BRINP3: variants seen among roughly 807,000 people sequenced by gnomAD.
BRINP3 encodes the protein BMP/retinoic acid inducible neural specific 3, also known as BMP/retinoic acid-inducible neural-specific protein 3.
In BRINP3, 19 loss-of-function variants were observed where a neutral mutation model predicts 71.0. That is an observed-to-expected ratio of 0.27 (90% CI 0.19 to 0.39). The LOEUF (loss-of-function observed/expected upper bound fraction) is 0.39, where lower values mean the gene tolerates loss of function less well. BRINP3 is among the 10% of genes least tolerant of loss of function. BRINP3 has a pLI of 1.00. For missense variants in BRINP3, 959 were observed against 940.8 expected (o/e 1.02, Z -0.25); for synonymous variants, 380 against 337.7 (o/e 1.13, Z -1.37).
intron 2 of BRINP3, among the ~76,000 whole-genome samples, chr1:190,360,696 C>T (rs1197334899): frequency 6.6e-6 from 1 of 151,800 alleles, no homozygotes; most frequent in Non-Finnish European, 1.5e-5. Flanking sequence ...TTTATCGTTG[C>T]CTTGGTGGAA....
At chr1:190,370,671 G>T (rs1295243598) in intron 2 of BRINP3, among the ~76,000 whole-genome samples, 2 of 152,228 alleles carry the variant, frequency 1.3e-5, no homozygotes, top group Non-Finnish European at 2.9e-5. Context: ...CTAAGGTAAG[G>T]CAGGGCCTTC....
chr1:190,254,545 G>A (rs1365547805), intron 4 of BRINP3, among the ~76,000 whole-genome samples: 1 of 152,036 alleles, frequency 6.6e-6, no homozygotes, highest in Non-Finnish European at 1.5e-5. Flanking sequence ...ATTGTGAATA[G>A]GAGTTCACTC....
chr1:190,229,046 A>G (rs531175607), intron 5 of BRINP3, among the ~76,000 whole-genome samples: 1 of 152,174 alleles, frequency 6.6e-6, no homozygotes, highest in Non-Finnish European at 1.5e-5. Context: ...AAATCTAGGT[A>G]AAGTATTAAA....
chr1:190,109,245 C>T (rs534616384), intron 7 of BRINP3, among the ~76,000 whole-genome samples: 3 of 152,190 alleles, frequency 2.0e-5, no homozygotes, highest in African/African-American at 4.8e-5. Context: ...TGAAAAGTTA[C>T]ATTTTTTCAT....
At chr1:190,314,520 G>A (rs903832050) in intron 2 of BRINP3, among the ~76,000 whole-genome samples, 1 of 152,124 alleles carries the variant, frequency 6.6e-6, no homozygotes, top group African/African-American at 2.4e-5. Context: ...AAAATAAGAA[G>A]GAATCAGCTT....
rs564822984 is a variant in BRINP3, at chr1:190,340,175, T to C, written c.237-58425A>G. Among the ~76,000 whole-genome samples, 9 of 152,034 alleles carry C rather than the reference T, an allele frequency of 5.9e-5. No individual in the cohort carries two copies. In the East Asian group the frequency reaches 1.7e-3, roughly 30 times the overall value. ...GAAAAGCTTTCAATTCAATGTATCA[T>C]AGGAATCTCAAATGACCTCTGGGTT... On this transcript the variant is annotated intron_variant, in intron 2 of 7. Transcript: ENST00000367462.
chr1:190,150,078 C>G lies in BRINP3; in HGVS notation c.1184+10590G>C, dbSNP rs189946791. On this transcript the variant is annotated intron_variant, in intron 7 of 7. Transcript: ENST00000367462. ...TTTTTTTCAGTGTTAGGGATTTGTG[C>G]TGGTATGCATCTCATAATATGTAGT... Among the ~76,000 whole-genome samples, 552 of 152,082 alleles carry G rather than the reference C, an allele frequency of 3.6e-3. 4 individuals carry two copies. The highest frequency in any genetic ancestry group is 6.1e-3 in the Non-Finnish European group (412 of 67,994).
At chr1:190,210,402 T>G (rs1655882083) in intron 6 of BRINP3, among the ~76,000 whole-genome samples, 1 of 152,112 alleles carries the variant, frequency 6.6e-6, no homozygotes, top group Non-Finnish European at 1.5e-5. Context: ...ATCAAAGACT[T>G]TAATGTTTTT....
At chr1:190,241,177 G>A (rs1480535027) in intron 4 of BRINP3, among the ~76,000 whole-genome samples, 1 of 151,778 alleles carries the variant, frequency 6.6e-6, no homozygotes, top group Non-Finnish European at 1.5e-5. Flanking sequence ...GAATTTTTTG[G>A]GAACCTCTTG....
intron 7 of BRINP3, among the ~76,000 whole-genome samples, chr1:190,111,390 A>G (rs1374160468): frequency 1.3e-5 from 2 of 152,082 alleles, no homozygotes; most frequent in African/African-American, 4.8e-5. Flanking sequence ...CTGAGGAGGT[A>G]AGTGAGAAAC....
intron 7 of BRINP3, chr1:190,154,124 T>C (rs1304580842): frequency 1.6e-5 from 14 of 899,592 alleles, no homozygotes; most frequent in African/African-American, 1.8e-5. Context: ...GGGAAAGAGA[T>C]AAAAAAGATG....
intron 2 of BRINP3, among the ~76,000 whole-genome samples, chr1:190,327,168 A>T (rs1287649486): frequency 1.3e-5 from 2 of 151,196 alleles, no homozygotes; most frequent in Non-Finnish European, 3.0e-5. Flanking sequence ...TACAAAAATT[A>T]GACAGGCGTT....
At chr1:190,142,115 A>G (rs1271468316) in intron 7 of BRINP3, among the ~76,000 whole-genome samples, 1 of 152,198 alleles carries the variant, frequency 6.6e-6, no homozygotes, top group African/African-American at 2.4e-5. Context: ...TTCTACCTAT[A>G]GAAGAAAATA....
chr1:190,438,216 T>C (rs910160875), intron 2 of BRINP3, among the ~76,000 whole-genome samples: 1 of 151,524 alleles, frequency 6.6e-6, no homozygotes, highest in Non-Finnish European at 1.5e-5. Flanking sequence ...ATATTAAATG[T>C]AACCTTTAGC....
intron 2 of BRINP3, among the ~76,000 whole-genome samples, chr1:190,393,226 T>G (rs781077812): frequency 6.6e-6 from 1 of 151,662 alleles, no homozygotes; most frequent in Non-Finnish European, 1.5e-5. Flanking sequence ...TAAATACATA[T>G]TCATGTACAT....
At chr1:190,384,040 T>C (rs1360192185) in intron 2 of BRINP3, among the ~76,000 whole-genome samples, 1 of 151,870 alleles carries the variant, frequency 6.6e-6, no homozygotes, top group Non-Finnish European at 1.5e-5. Flanking sequence ...ACATTAATAA[T>C]GTGGCCAAGA....
chr1:190,443,359 C>A (rs1359642939), intron 2 of BRINP3, among the ~76,000 whole-genome samples: 1 of 149,414 alleles, frequency 6.7e-6, no homozygotes, highest in Non-Finnish European at 1.5e-5. Context: ...GAGCCGAGAT[C>A]GTGCCTGGGC....
chr1:190,202,200 T>C (rs913534122), intron 6 of BRINP3, among the ~76,000 whole-genome samples: 4 of 152,158 alleles, frequency 2.6e-5, no homozygotes, highest in Admixed American at 2.6e-4. Flanking sequence ...ATGTGAGACA[T>C]GAAGTCAAAG....
chr1:190,248,152 T>G (rs901571490), intron 4 of BRINP3, among the ~76,000 whole-genome samples: 12 of 151,870 alleles, frequency 7.9e-5, no homozygotes, highest in Non-Finnish European at 1.0e-4. Flanking sequence ...TTTAGTTATT[T>G]TAGTGGGAAA....
Sources: gnomAD v4.1 joint callset for allele counts (sites outside exome capture counted in the v4.1 genomes callset) on GRCh38, gnomAD v4.1.1 for gene constraint, MANE v1.5 for transcripts, NCBI Gene and HGNC (gene_info 2026-07-23, HGNC 2026-07-21) for gene names.